MLLT3: variants seen among roughly 807,000 people sequenced by gnomAD.
The protein encoded by MLLT3 is MLLT3 super elongation complex subunit.
Under a neutral mutation model 53.2 loss-of-function variants are expected in MLLT3, and 4 were observed. That is an observed-to-expected ratio of 0.08 (90% CI 0.04 to 0.17). The LOEUF is 0.17. Ranked by LOEUF, MLLT3 falls within the 10% of genes least tolerant of loss-of-function variation. The pLI, the probability that MLLT3 is intolerant of heterozygous loss-of-function variation, is 1.00. For missense variants in MLLT3, 569 were observed against 684.0 expected (o/e 0.83, Z 1.87); for synonymous variants, 283 against 230.6 (o/e 1.23, Z -2.06).
At chr9:20,526,495 T>C (rs1162292504) in intron 2 of MLLT3, among the ~76,000 whole-genome samples, 1 of 152,240 alleles carries the variant, frequency 6.6e-6, no homozygotes, top group Non-Finnish European at 1.5e-5. Flanking sequence ...CTTATGTGTA[T>C]GGCTTCTTAA....
chr9:20,375,525 T>C (rs1821739394), intron 5 of MLLT3, among the ~76,000 whole-genome samples: 1 of 152,104 alleles, frequency 6.6e-6, no homozygotes, highest in African/African-American at 2.4e-5. Flanking sequence ...GTCTGATCCA[T>C]TGCTTCTAAC....
At chr9:20,497,672 G>T (rs959577232) in intron 2 of MLLT3, among the ~76,000 whole-genome samples, 1 of 152,042 alleles carries the variant, frequency 6.6e-6, no homozygotes, top group African/African-American at 2.4e-5. Context: ...TTTATGATGT[G>T]GAATTTCCAC....
chr9:20,393,272 A>G (rs1822234517), intron 5 of MLLT3, among the ~76,000 whole-genome samples: 1 of 152,200 alleles, frequency 6.6e-6, no homozygotes, highest in South Asian at 2.1e-4. Flanking sequence ...TGACAGCCAC[A>G]GTCTTTTCCA....
At chr9:20,503,164 T>C (rs958028172) in intron 2 of MLLT3, among the ~76,000 whole-genome samples, 1 of 152,164 alleles carries the variant, frequency 6.6e-6, no homozygotes, top group Non-Finnish European at 1.5e-5. Flanking sequence ...AAAATTTCAA[T>C]GACATTTTTT....
At chr9:20,356,339 AT>A (rs1230439668) in intron 8 of MLLT3, among the ~76,000 whole-genome samples, 28 of 152,310 alleles carry the variant, frequency 1.8e-4, no homozygotes, top group African/African-American at 6.7e-4. Flanking sequence ...GAAATTACGT[AT>A]TAACAGAGGC....
intron 2 of MLLT3, among the ~76,000 whole-genome samples, chr9:20,490,089 C>T (rs1353558511): frequency 6.6e-6 from 1 of 152,196 alleles, no homozygotes; most frequent in Non-Finnish European, 1.5e-5. Context: ...TCTTTCATCA[C>T]TGCCAGTCAC....
chr9:20,531,416 G>A (rs1487370370), intron 2 of MLLT3, among the ~76,000 whole-genome samples: 1 of 152,142 alleles, frequency 6.6e-6, no homozygotes, highest in African/African-American at 2.4e-5. Flanking sequence ...GATTACAGGT[G>A]TGAGCCACTG....
intron 2 of MLLT3, among the ~76,000 whole-genome samples, chr9:20,495,438 C>T (rs1292259185): frequency 6.6e-6 from 1 of 152,148 alleles, no homozygotes; most frequent in Non-Finnish European, 1.5e-5. Context: ...ATACTATCTC[C>T]TGCTTGCACG....
intron 4 of MLLT3, among the ~76,000 whole-genome samples, chr9:20,432,105 T>C (rs541119441): frequency 2.6e-5 from 4 of 152,318 alleles, no homozygotes; most frequent in South Asian, 2.1e-4. Flanking sequence ...CAAAATCTTC[T>C]AGTCTAGGAA....
intron 7 of MLLT3, among the ~76,000 whole-genome samples, chr9:20,362,006 A>G (rs1821335351): frequency 6.6e-6 from 1 of 152,240 alleles, no homozygotes; most frequent in South Asian, 2.1e-4. Flanking sequence ...TCTTAACTAA[A>G]TTACATTAAT....
intron 2 of MLLT3, among the ~76,000 whole-genome samples, chr9:20,592,289 C>T (rs972904764): frequency 6.6e-6 from 1 of 152,180 alleles, no homozygotes; most frequent in Non-Finnish European, 1.5e-5. Context: ...ACTAGAGCTG[C>T]TATAACAAAG....
chr9:20,504,355 T>C (rs982283746), intron 2 of MLLT3, among the ~76,000 whole-genome samples: 34 of 151,656 alleles, frequency 2.2e-4, no homozygotes, highest in Non-Finnish European at 4.3e-4. Context: ...TGGAATTGTG[T>C]GTGTGTGTGT....
chr9:20,587,180 C>G (rs1345861782), intron 2 of MLLT3, among the ~76,000 whole-genome samples: 11 of 132,444 alleles, frequency 8.3e-5, no homozygotes, highest in African/African-American at 3.0e-4. Flanking sequence ...TAGCAGATAG[C>G]TAGGCCAAAA....
rs1554682172 is a variant in MLLT3, at chr9:20,429,545, A to AC, written c.421-15121_421-15120insG. Among the ~76,000 whole-genome samples the AC allele has an allele frequency of 3.0e-5, 4 of 134,816 alleles. No individual in the cohort carries two copies. The East Asian group carries it at 1.5e-3, about 50-fold the overall frequency. 88.4% of individuals were successfully genotyped at this position (134,816 alleles called of 152,430 possible). A position where few individuals can be genotyped will look rare whatever the true frequency, so the allele number is the denominator to read the frequency against. On this transcript the variant is annotated intron_variant, in intron 4 of 10. Coordinates refer to ENST00000380338, the MANE Select transcript of MLLT3 (RefSeq NM_004529.4). The stretch of plus-strand genomic sequence containing the variant: ...ATATTAGCATAACTAATCCAATTGT[A>AC]GGGGGGAAAAAAAGGAAAAAAATCT...
chr9:20,346,637 A>G, intron 10 of MLLT3, 63 bp from the exon 11 acceptor site: 1 of 1,519,820 alleles, frequency 6.6e-7, no homozygotes, highest in South Asian at 1.2e-5. Context: ...GCAAAGAGAG[A>G]GTAATGGAGG....
chr9:20,381,205 G>C (rs932043226), intron 5 of MLLT3, among the ~76,000 whole-genome samples: 1 of 151,874 alleles, frequency 6.6e-6, no homozygotes, highest in African/African-American at 2.4e-5. Context: ...ATGTTTTAGT[G>C]CATCAGAAAA....
intron 2 of MLLT3, among the ~76,000 whole-genome samples, chr9:20,619,425 C>CT (rs1820930567): frequency 6.6e-6 from 1 of 150,386 alleles, no homozygotes; most frequent in Non-Finnish European, 1.5e-5. Flanking sequence ...TCTGCCACCT[C>CT]TAAGGCACAC....
chr9:20,514,516 AT>A (rs145034146), intron 2 of MLLT3, among the ~76,000 whole-genome samples: 14 of 148,906 alleles, frequency 9.4e-5, no homozygotes, highest in South Asian at 2.1e-4. Context: ...TTATTTTTTT[AT>A]TTTTTTTTTG....
At chr9:20,430,413 C>G (rs1823235864) in intron 4 of MLLT3, among the ~76,000 whole-genome samples, 1 of 152,094 alleles carries the variant, frequency 6.6e-6, no homozygotes, top group African/African-American at 2.4e-5. Flanking sequence ...AGTATTGCTA[C>G]AGAGATCAAC....
Sources: allele counts gnomAD v4.1 joint callset (sites outside exome capture counted in the v4.1 genomes callset), GRCh38; gene constraint gnomAD v4.1.1; transcripts MANE v1.5; gene names NCBI Gene and HGNC (gene_info 2026-07-23, HGNC 2026-07-21).